Variants in CDH6 observed in about 807,000 individuals in gnomAD.
The protein encoded by CDH6 is cadherin 6, also known as cadherin-6.
Under a neutral mutation model 78.0 loss-of-function variants are expected in CDH6, and 31 were observed. The ratio of observed to expected loss-of-function variants is 0.40; its 90% confidence interval spans 0.30 to 0.54. The LOEUF is 0.54. CDH6 is among the 20% of genes least tolerant of loss of function. CDH6 has a pLI of 0.56. For missense variants in CDH6, 724 were observed against 975.9 expected, an observed-to-expected ratio of 0.74 and a Z score of 3.44; for synonymous variants, 376 against 368.8, an observed-to-expected ratio of 1.02 and a Z score of -0.23.
At chr5:31,223,996 T>G (rs915436057) in intron 1 of CDH6, among the ~76,000 whole-genome samples, 1 of 152,214 alleles carries the variant, frequency 6.6e-6, no homozygotes, top group Admixed American at 6.5e-5. Context: ...AGTGCTTCTG[T>G]GGGCCCAACA....
intron 1 of CDH6, among the ~76,000 whole-genome samples, chr5:31,239,409 C>A (rs1158696527): frequency 6.6e-6 from 1 of 152,176 alleles, no homozygotes; most frequent in East Asian, 1.9e-4. Flanking sequence ...ACTTCTGATG[C>A]TTACCAAATC....
intron 1 of CDH6, among the ~76,000 whole-genome samples, chr5:31,231,421 T>C (rs1444576339): frequency 1.3e-5 from 2 of 152,224 alleles, no homozygotes; most frequent in East Asian, 1.9e-4. Flanking sequence ...GAATATTTCA[T>C]GGACGCTTCC....
Position 31,308,060 on chromosome 5 carries a change from T to C in CDH6, c.1253+2633T>C, listed in dbSNP as rs190577517. Among the ~76,000 whole-genome samples the C allele has an allele frequency of 2.0e-3, 310 of 152,234 alleles. 2 individuals carry two copies. In the South Asian group the frequency reaches 0.034, roughly 16 times the overall value. On this transcript the variant is annotated intron_variant, in intron 7 of 11. Coordinates refer to ENST00000265071, the MANE Select transcript of CDH6 (RefSeq NM_004932.4). ...CCAGTGCCCTTTTATAGGATAAAAT[T>C]CATTCTTATATTAGAAAAATCCATT...
rs904326549 is a variant in CDH6, at chr5:31,292,701, G to A, written c.229-1261G>A. Among the ~76,000 whole-genome samples the A allele has an allele frequency of 4.6e-5, 7 of 151,198 alleles. No individual in the cohort carries two copies. In the East Asian group the frequency reaches 5.8e-4, roughly 13 times the overall value. ...TCCTCCTCAATAAAAAGCACTTTTC[G>A]AAAATTTGCAAATAGGGTTAAATTA... On this transcript the variant is annotated intron_variant, in intron 2 of 11. Coordinates refer to ENST00000265071, the MANE Select transcript of CDH6 (RefSeq NM_004932.4).
chr5:31,303,369 C>T (rs1197512096), intron 6 of CDH6, among the ~76,000 whole-genome samples: 1 of 152,126 alleles, frequency 6.6e-6, no homozygotes, highest in Non-Finnish European at 1.5e-5. Flanking sequence ...AGATGACTTG[C>T]ATCACAAAAA....
At chr5:31,296,878 A>G (rs534877163) in intron 3 of CDH6, among the ~76,000 whole-genome samples, 1 of 152,280 alleles carries the variant, frequency 6.6e-6, no homozygotes, top group South Asian at 2.1e-4. Flanking sequence ...AAGAGTATCT[A>G]TGACAGAATT....
chr5:31,310,206 A>T lies in CDH6; in HGVS notation c.1254-3112A>T, dbSNP rs548074624. Among the ~76,000 whole-genome samples the T allele has an allele frequency of 3.5e-3, 222 of 62,742 alleles. 2 individuals carry two copies. Among genetic ancestry groups the T allele is most frequent in the Non-Finnish European group, 6.7e-4 (17 of 25,234 alleles). The allele number at this position is 62,742 out of a possible 152,430, so 41.2% of individuals were successfully genotyped here. A position where few individuals can be genotyped will look rare whatever the true frequency, so the allele number is the denominator to read the frequency against. On this transcript the variant is annotated intron_variant, in intron 7 of 11. Coordinates refer to ENST00000265071, the MANE Select transcript of CDH6 (RefSeq NM_004932.4). ...GTATTGGGTAAATGTTTCCACTCAAAAAGGGAGATATTGGCCACAGGCCCC... is the reference window on the plus strand; with the variant it reads ...GTATTGGGTAAATGTTTCCACTCAATAAGGGAGATATTGGCCACAGGCCCC...
At chr5:31,194,801 A>G (rs1010570830) in intron 1 of CDH6, among the ~76,000 whole-genome samples, 2 of 152,158 alleles carry the variant, frequency 1.3e-5, no homozygotes, top group African/African-American at 2.4e-5. Flanking sequence ...GGGACGCTGC[A>G]ATGTTGTGGA....
intron 6 of CDH6, among the ~76,000 whole-genome samples, chr5:31,302,917 A>AAGAAAGAAAGAAAG (rs1737847797): frequency 2.5e-5 from 3 of 118,706 alleles, no homozygotes; most frequent in Non-Finnish European, 5.7e-5. Flanking sequence ...GAAAGAAAGA[A>AAGAAAGAAAGAAAG]AGAAAGAAAG....
chr5:31,207,004 C>T (rs1398613232), intron 1 of CDH6, among the ~76,000 whole-genome samples: 1 of 152,134 alleles, frequency 6.6e-6, no homozygotes, highest in African/African-American at 2.4e-5. Context: ...CCACAAAGCA[C>T]AAAGCCATAC....
chr5:31,201,019 T>G (rs1392969360), intron 1 of CDH6, among the ~76,000 whole-genome samples: 1 of 152,212 alleles, frequency 6.6e-6, no homozygotes, highest in Admixed American at 6.5e-5. Flanking sequence ...TTTATTTTGT[T>G]CTCTTATCTC....
chr5:31,270,772 C>T (rs369284330), intron 2 of CDH6, among the ~76,000 whole-genome samples: 19 of 152,026 alleles, frequency 1.2e-4, no homozygotes, highest in African/African-American at 4.4e-4. Flanking sequence ...TCTCCGCTTA[C>T]TGCAGCCTCG....
intron 1 of CDH6, among the ~76,000 whole-genome samples, chr5:31,202,846 T>C (rs996638157): frequency 9.2e-5 from 14 of 151,796 alleles, no homozygotes; most frequent in Middle Eastern, 3.4e-3. Flanking sequence ...CACATATATA[T>C]ATGCAAAATA....
intron 1 of CDH6, among the ~76,000 whole-genome samples, chr5:31,241,701 G>A (rs887016594): frequency 5.9e-5 from 9 of 152,210 alleles, no homozygotes; most frequent in African/African-American, 1.9e-4. Context: ...AACAAATGGA[G>A]TGCAGAAGAT....
chr5:31,287,129 C>T (rs1002318875), intron 2 of CDH6, among the ~76,000 whole-genome samples: 12 of 152,084 alleles, frequency 7.9e-5, no homozygotes, highest in Non-Finnish European at 1.5e-4. Flanking sequence ...TAGATTTAGG[C>T]ACTGATGGTA....
intron 1 of CDH6, among the ~76,000 whole-genome samples, chr5:31,212,652 G>T (rs1740740327): frequency 6.6e-6 from 1 of 152,096 alleles, no homozygotes; most frequent in Non-Finnish European, 1.5e-5. Context: ...TGGCCTGAGG[G>T]TATTACTCTA....
intron 1 of CDH6, among the ~76,000 whole-genome samples, chr5:31,262,910 A>T (rs1301135313): frequency 2.0e-5 from 3 of 152,084 alleles, no homozygotes; most frequent in African/African-American, 7.2e-5. Context: ...CTTCCGGGCC[A>T]TTGTCTTCCT....
intron 10 of CDH6, 84 bp from the exon 11 acceptor site, chr5:31,317,589 C>T (rs903844172): frequency 2.6e-6 from 4 of 1,534,988 alleles, no homozygotes; most frequent in Non-Finnish European, 3.6e-6. Flanking sequence ...ATATCTGTAT[C>T]TATATCTATC....
At chr5:31,319,354 A>C (rs1738415420) in intron 11 of CDH6, among the ~76,000 whole-genome samples, 1 of 152,184 alleles carries the variant, frequency 6.6e-6, no homozygotes, top group Non-Finnish European at 1.5e-5. Flanking sequence ...GGAATTCTGT[A>C]CCTAATAAAA....
Sources: allele counts gnomAD v4.1 joint callset (sites outside exome capture counted in the v4.1 genomes callset), GRCh38; gene constraint gnomAD v4.1.1; transcripts MANE v1.5; gene names NCBI Gene and HGNC (gene_info 2026-07-23, HGNC 2026-07-21).